Variants in SLC12A8 observed in about 807,000 individuals in gnomAD.
SLC12A8 encodes cation-chloride cotransporter 9.
A neutral mutation model predicts 75.6 loss-of-function variants in SLC12A8; 69 were observed. That is an observed-to-expected ratio of 0.91 (90% CI 0.75 to 1.11). The LOEUF is 1.11. Among genes scored for constraint, SLC12A8 ranks in the 50% most tolerant of loss-of-function variants. The pLI, the probability that SLC12A8 is intolerant of heterozygous loss-of-function variation, is 0.00. For missense variants in SLC12A8, 877 were observed against 896.7 expected, an observed-to-expected ratio of 0.98 and a Z score of 0.28; for synonymous variants, 365 against 372.8, an observed-to-expected ratio of 0.98 and a Z score of 0.24.
intron 2 of SLC12A8, among the ~76,000 whole-genome samples, chr3:125,192,222 A>G (rs748375220): frequency 1.3e-5 from 2 of 152,046 alleles, no homozygotes; most frequent in Non-Finnish European, 2.9e-5. Flanking sequence ...CTTCCACAGG[A>G]GCTCTCTGCT....
chr3:125,104,301 G>A (rs974646642), intron 10 of SLC12A8, among the ~76,000 whole-genome samples: 1 of 151,620 alleles, frequency 6.6e-6, no homozygotes, highest in Non-Finnish European at 1.5e-5. Context: ...TAGATATGGG[G>A]TCTCACTGTG....
chr3:125,193,100 G>A (rs1934938710), intron 2 of SLC12A8, among the ~76,000 whole-genome samples: 1 of 152,242 alleles, frequency 6.6e-6, no homozygotes, highest in African/African-American at 2.4e-5. Context: ...TGGGCGCAGT[G>A]GCTCATGCCT....
intron 9 of SLC12A8, among the ~76,000 whole-genome samples, chr3:125,109,002 C>T (rs1372224399): frequency 6.6e-6 from 1 of 152,184 alleles, no homozygotes; most frequent in Non-Finnish European, 1.5e-5. Flanking sequence ...AGCTCTTCAT[C>T]ACAGTCACTG....
rs1491216681 is a variant in SLC12A8 at position 125,179,732 on chromosome 3, A to AG, written c.391-1759_391-1758insC. 1.4e-3 allele frequency among the ~76,000 whole-genome samples: 207 copies of AG among 144,828 alleles called. 1 individual carries two copies. The highest frequency in any genetic ancestry group is 5.5e-3 in the African/African-American group (198 of 35,782). On this transcript the variant is annotated intron_variant, in intron 4 of 13. Coordinates refer to ENST00000469902, the MANE Select transcript of SLC12A8 (RefSeq NM_024628.6). ...GAGAGAGAGAGAGAGAGAGAGAGAG[A>AG]AAGAGAAAGACAGAGAGACTAATGT...
intron 5 of SLC12A8, among the ~76,000 whole-genome samples, chr3:125,175,487 T>A (rs547627450): frequency 1.3e-5 from 2 of 152,186 alleles, no homozygotes; most frequent in Non-Finnish European, 2.9e-5. Flanking sequence ...GGAAAAATAT[T>A]TGGAGTAACT....
intron 13 of SLC12A8, among the ~76,000 whole-genome samples, chr3:125,084,530 G>C (rs1352592558): frequency 1.3e-5 from 2 of 152,244 alleles, no homozygotes; most frequent in African/African-American, 4.8e-5. Flanking sequence ...GCAGCTAAGA[G>C]GGACTGCAAA....
At chr3:125,184,678 G>A (rs1486810146) in intron 4 of SLC12A8, among the ~76,000 whole-genome samples, 5 of 151,654 alleles carry the variant, frequency 3.3e-5, no homozygotes, top group Admixed American at 6.6e-5. Context: ...AACCCCAACC[G>A]CACCCTAGAG....
intron 5 of SLC12A8, among the ~76,000 whole-genome samples, chr3:125,140,673 C>T (rs1461889672): frequency 2.0e-5 from 3 of 152,166 alleles, no homozygotes; most frequent in African/African-American, 7.2e-5. Context: ...GTAATCCATC[C>T]CAAAGTCATT....
At chr3:125,137,969 ACT>A (rs1341418166) in intron 5 of SLC12A8, among the ~76,000 whole-genome samples, 2 of 151,946 alleles carry the variant, frequency 1.3e-5, no homozygotes, top group East Asian at 3.9e-4. Context: ...ACACGCTCAC[ACT>A]CACACTACTG....
chr3:125,187,539 A>T (rs1029929762), intron 3 of SLC12A8, 111 bp from the exon 4 acceptor site: 1 of 952,254 alleles, frequency 1.1e-6, no homozygotes, highest in Non-Finnish European at 1.6e-6. Flanking sequence ...AATAGGGGCC[A>T]GGGGTGGGGG....
At chr3:125,101,211 T>G (rs1217542058) in intron 10 of SLC12A8, among the ~76,000 whole-genome samples, 2 of 152,160 alleles carry the variant, frequency 1.3e-5, no homozygotes, top group African/African-American at 4.8e-5. Flanking sequence ...GTGTTTAACT[T>G]CTCTGAGCCT....
Position 125,135,801 on chromosome 3 carries a change from G to C in SLC12A8, c.623-19C>G, listed in dbSNP as rs750108139. 4 of 1,461,860 alleles carry C rather than the reference G, an allele frequency of 2.7e-6. No individual in the cohort carries two copies. Among genetic ancestry groups the C allele is most frequent in the Non-Finnish European group, 3.8e-6 (4 of 1,054,386 alleles). 90.6% of individuals were successfully genotyped at this position (1,461,860 alleles called of 1,614,324 possible). A position where few individuals can be genotyped will look rare whatever the true frequency, so the allele number is the denominator to read the frequency against. ...CCATGTTCTGAAATAAAGCAATGGA[G>C]AGCAACGTAAGCCCAGTGAGAAGAC... On this transcript the variant is annotated intron_variant, in intron 5 of 13. Transcript: ENST00000469902.
At chr3:125,172,927 A>G (rs1934437002) in intron 5 of SLC12A8, among the ~76,000 whole-genome samples, 1 of 152,178 alleles carries the variant, frequency 6.6e-6, no homozygotes, top group Admixed American at 6.5e-5. Flanking sequence ...ACCTGTAATC[A>G]CAGCACTTTG....
intron 10 of SLC12A8, among the ~76,000 whole-genome samples, chr3:125,104,572 C>G (rs1290681898): frequency 6.8e-6 from 1 of 147,678 alleles, no homozygotes; most frequent in Non-Finnish European, 1.5e-5. Context: ...AAATTAAAAA[C>G]TGGATAATTG....
At chr3:125,172,314 C>T (rs1934420852) in intron 5 of SLC12A8, among the ~76,000 whole-genome samples, 1 of 148,854 alleles carries the variant, frequency 6.7e-6, no homozygotes, top group Admixed American at 6.6e-5. Flanking sequence ...CTCTCTCTCT[C>T]TCCCTCTCCC....
chr3:125,175,256 T>C (rs1037225723), intron 5 of SLC12A8, among the ~76,000 whole-genome samples: 2 of 152,226 alleles, frequency 1.3e-5, no homozygotes, highest in African/African-American at 4.8e-5. Context: ...CAAATGTCTA[T>C]GTATATGTCC....
chr3:125,095,151 A>T (rs1938683648), intron 10 of SLC12A8, among the ~76,000 whole-genome samples: 1 of 152,200 alleles, frequency 6.6e-6, no homozygotes, highest in Admixed American at 6.5e-5. Flanking sequence ...GATGACTCCA[A>T]GTTTACATCA....
chr3:125,086,153 G>A (rs1454096653), intron 13 of SLC12A8, among the ~76,000 whole-genome samples: 1 of 152,078 alleles, frequency 6.6e-6, no homozygotes, highest in Non-Finnish European at 1.5e-5. Context: ...AAGTCCTGGG[G>A]TTACATGTGT....
chr3:125,097,800 G>T (rs1201994395), intron 10 of SLC12A8, among the ~76,000 whole-genome samples: 1 of 151,928 alleles, frequency 6.6e-6, no homozygotes, highest in Non-Finnish European at 1.5e-5. Context: ...CTCAGATTTT[G>T]CTGGAGAAAG....
Sources: gnomAD v4.1 joint callset for allele counts (sites outside exome capture counted in the v4.1 genomes callset) on GRCh38, gnomAD v4.1.1 for gene constraint, MANE v1.5 for transcripts, NCBI Gene and HGNC (gene_info 2026-07-23, HGNC 2026-07-21) for gene names.